IL3RA: variants seen among roughly 807,000 people sequenced by gnomAD.
The protein encoded by IL3RA is interleukin-3 receptor subunit alpha.
IL3RA carries 73 observed loss-of-function variants against 52.3 expected under a neutral mutation model. The ratio of observed to expected loss-of-function variants is 1.40; its 90% CI spans 1.16 to 1.70. The LOEUF (loss-of-function observed/expected upper bound fraction) is 1.70, where lower values mean the gene tolerates loss of function less well. Among genes scored for constraint, IL3RA ranks in the 40% most tolerant of loss-of-function variants. IL3RA has a pLI of 0.00. For missense variants in IL3RA, 664 were observed against 504.4 expected, an observed-to-expected ratio of 1.32 and a Z score of -3.03; for synonymous variants, 260 against 194.0, an observed-to-expected ratio of 1.34 and a Z score of -2.83.
chrX:1,378,422 C>A (rs2149216509), intron 9 of IL3RA, among the ~76,000 whole-genome samples: 1 of 152,260 alleles, frequency 6.6e-6, no homozygotes, highest in Non-Finnish European at 1.5e-5. Flanking sequence ...CCTTAGGGTT[C>A]CAGACTGGGG....
At chrX:1,363,074 C>T (rs1302165628) in intron 8 of IL3RA, among the ~76,000 whole-genome samples, 1 of 152,032 alleles carries the variant, frequency 6.6e-6, no homozygotes, top group Non-Finnish European at 1.5e-5. Context: ...CCGCGCCCGG[C>T]CACGTCTCCT....
intron 8 of IL3RA, among the ~76,000 whole-genome samples, chrX:1,359,688 C>T (rs1350141710): frequency 6.6e-6 from 1 of 150,816 alleles, no homozygotes; most frequent in Non-Finnish European, 1.5e-5. Context: ...CTCTATCTTT[C>T]TCCCTTTCTC....
intron 1 of IL3RA, among the ~76,000 whole-genome samples, chrX:1,340,105 C>A (rs868023377): frequency 7.2e-6 from 1 of 139,040 alleles, no homozygotes; most frequent in Non-Finnish European, 1.6e-5. Context: ...GCAACTCTTT[C>A]TTTTCTTTTC....
intron 11 of IL3RA, among the ~76,000 whole-genome samples, chrX:1,381,613 C>T (rs1181960577): frequency 6.6e-6 from 1 of 151,836 alleles, no homozygotes; most frequent in Non-Finnish European, 1.5e-5. Context: ...TCTTGGCTCA[C>T]CACAACCTCC....
In IL3RA at chrX:1,352,102, G is replaced by A. The variant is rs2086114579; in HGVS notation, c.301G>A (p.Gly101Arg). The A allele has an allele frequency of 6.2e-7, 1 of 1,613,648 alleles. No homozygotes were observed. Among genetic ancestry groups the A allele is most frequent in the Non-Finnish European group, 8.5e-7 (1 of 1,179,756 alleles). The change falls in exon 5 of 12, where the codon GGG (glycine) becomes AGG (arginine). Residue 101 changes from glycine (G) to arginine (R), a missense_variant and splice_region_variant. Transcript: ENST00000331035. ...STWILFPENS[G>R]KPWAGAENLT... ...CTCTTTCATGTTTGTGAACCCAGGT[G>A]GGAAGCCTTGGGCAGGTGCGGAGAA...
chrX:1,343,362 G>C (rs2085569051), intron 2 of IL3RA, among the ~76,000 whole-genome samples: 1 of 151,930 alleles, frequency 6.6e-6, no homozygotes, highest in Non-Finnish European at 1.5e-5. Context: ...AGCAAAATGT[G>C]ATAGAATATT....
Position 1,338,521 on chromosome X carries a change from C to A in IL3RA, c.-39+1595C>A, listed in dbSNP as rs745633265. 4.6e-5 allele frequency among the ~76,000 whole-genome samples: 7 copies of A among 152,320 alleles called. No homozygotes were observed. The South Asian group carries it at 1.5e-3, about 32-fold the overall frequency. On this transcript the variant is annotated intron_variant, in intron 1 of 11. Transcript: ENST00000331035. ...AATGGAGAAATATAATGTGGTCCAG[C>A]CACACGGTGGAATATTACACAGCCA...
At chrX:1,347,793 C>G (rs1444521017) in intron 3 of IL3RA, among the ~76,000 whole-genome samples, 5 of 151,536 alleles carry the variant, frequency 3.3e-5, no homozygotes, top group Non-Finnish European at 5.9e-5. Flanking sequence ...CATCCCAGCA[C>G]TTTGGGAGGC....
rs779028946 is a variant in IL3RA, at chrX:1,352,142, T to C, written c.341T>C (p.Ile114Thr). The change falls in exon 5 of 12, where the codon ATT becomes ACT. Residue 114 changes from isoleucine (I) to threonine (T), a missense_variant. Transcript: ENST00000331035. ...WAGAENLTCW[I>T]HDVDFLSCSW... is the part of the protein sequence containing the mutation. ...GGTGCGGAGAATCTGACCTGCTGGA[T>C]TCATGACGTGGATTTCTTGAGCTGC... 6.2e-7 allele frequency: 1 copy of C among 1,613,786 alleles called. No individual in the cohort carries two copies. The highest frequency in any genetic ancestry group is 8.5e-7 in the Non-Finnish European group (1 of 1,179,814).
intron 9 of IL3RA, among the ~76,000 whole-genome samples, chrX:1,374,088 C>T (rs1299778203): frequency 1.9e-3 from 112 of 59,726 alleles, no homozygotes; most frequent in Non-Finnish European, 2.5e-3. Flanking sequence ...GAGAAGACGG[C>T]GTCTCCAAGC....
At chrX:1,341,850 G>A in intron 2 of IL3RA, 21 bp downstream of exon 2, 1 of 1,613,176 alleles carries the variant, frequency 6.2e-7, no homozygotes, top group Non-Finnish European at 8.5e-7. Context: ...GAGAAAAAAT[G>A]CACGTGCCAC....
Position 1,341,739 on chromosome X carries a change from G to T in IL3RA, c.-27G>T. 1.2e-6 allele frequency: 2 copies of T among 1,613,520 alleles called. No individual in the cohort carries two copies. The highest frequency in any genetic ancestry group is 4.5e-5 in the East Asian group (2 of 44,878). ...CGTTTCTCCTGCAGCAGGCACCTCT[G>T]TCCTGCGTTCCGGAGCTGCGTTCCC... On this transcript the variant is annotated 5_prime_UTR_variant, in exon 2 of 12. Coordinates refer to ENST00000331035, the MANE Select transcript of IL3RA (RefSeq NM_002183.4).
Position 1,348,454 on chromosome X carries a change from GT to G in IL3RA, c.210del (p.Phe70LeufsTer9). The G allele has an allele frequency of 6.2e-7, 1 of 1,613,842 alleles. No homozygotes were observed. The highest frequency in any genetic ancestry group is 8.5e-7 in the Non-Finnish European group (1 of 1,179,776). ...AGGCAGTGAACAATAGCTATTGCCA[GT>G]TTGGAGCAATTTCCTTATGTGAAGT... ...MPAVNNSYCQFGAISLCEVTN... is the reference protein window; with the variant it reads ...MPAVNNSYCQXGAISLCEVTN... On this transcript the variant is annotated frameshift_variant, in exon 4 of 12. Transcript: ENST00000331035. LOFTEE classifies it high-confidence loss of function.
intron 4 of IL3RA, 113 bp from the exon 5 acceptor site, chrX:1,351,987 A>C: frequency 3.0e-6 from 4 of 1,336,438 alleles, no homozygotes; most frequent in Non-Finnish European, 4.1e-6. Flanking sequence ...CTGGTCTCGA[A>C]CTCCTGACCT....
chrX:1,344,599 C>T (rs1396542089), intron 2 of IL3RA, among the ~76,000 whole-genome samples: 2 of 142,522 alleles, frequency 1.4e-5, no homozygotes, highest in African/African-American at 5.2e-5. Context: ...ATGGTGAAAC[C>T]CCATCTCTAG....
At chrX:1,348,674 C>CTTTCTTTCT (rs1421674660) in intron 4 of IL3RA, 129 bp downstream of exon 4, 1 of 481,786 alleles carries the variant, frequency 2.1e-6, no homozygotes, top group East Asian at 3.0e-5. Context: ...TTCTTTCTTT[C>CTTTCTTTCT]TTTCTTTCTT....
At chrX:1,367,582 G>A (rs1339773064) in intron 9 of IL3RA, among the ~76,000 whole-genome samples, 1 of 103,606 alleles carries the variant, frequency 9.7e-6, no homozygotes, top group Non-Finnish European at 1.9e-5. Context: ...CGCGGGGTGA[G>A]CGGGGTGAGC....
At chrX:1,352,579 A>G (rs2086154803) in intron 6 of IL3RA, 73 bp downstream of exon 6, 6 of 1,469,550 alleles carry the variant, frequency 4.1e-6, no homozygotes, top group Non-Finnish European at 5.6e-6. Context: ...GCCAGATCCC[A>G]CGGGACCACG....
rs745557194 is a variant in IL3RA, at chrX:1,370,837, G to A, written c.874+5585G>A. 8.0e-4 allele frequency among the ~76,000 whole-genome samples: 59 copies of A among 73,550 alleles called. 8 individuals are homozygous for A. Among genetic ancestry groups the A allele is most frequent in the South Asian group, 4.1e-3 (6 of 1,480 alleles). 48.3% of individuals were successfully genotyped at this position (73,550 alleles called of 152,430 possible). ...GAGAAGACGGCATCTCCAAGCCCAG[G>A]AGAGGGGCCTCAGGAGGAACCAGCA... On this transcript the variant is annotated intron_variant, in intron 9 of 11. Transcript: ENST00000331035.
Sources: allele counts gnomAD v4.1 joint callset (sites outside exome capture counted in the v4.1 genomes callset), GRCh38; gene constraint gnomAD v4.1.1; transcripts MANE v1.5; gene names NCBI Gene and HGNC (gene_info 2026-07-23, HGNC 2026-07-21).